Variants in OSR2 observed in about 807,000 individuals in gnomAD.
OSR2 encodes odd-skipped related transciption factor 2.
A neutral mutation model predicts 22.3 loss-of-function variants in OSR2; 8 were observed. That is an observed-to-expected ratio of 0.36 (90% CI 0.21 to 0.65). The LOEUF (loss-of-function observed/expected upper bound fraction) is 0.65, where lower values mean the gene tolerates loss of function less well. Among genes scored for constraint, OSR2 ranks in the 30% least tolerant of loss-of-function variants. OSR2 has a pLI of 0.66. For missense variants in OSR2, 311 were observed against 413.4 expected (o/e 0.75, Z 2.15); for synonymous variants, 179 against 173.8 (o/e 1.03, Z -0.23).
chr8:98,949,632 T>G lies in OSR2; in HGVS notation c.656+24T>G. 1 of 1,590,740 alleles carries G rather than the reference T, an allele frequency of 6.3e-7. No individual in the cohort carries two copies. Among genetic ancestry groups the G allele is most frequent in the Non-Finnish European group, 8.6e-7 (1 of 1,167,022 alleles). On this transcript the variant is annotated intron_variant, in intron 2 of 3. Transcript: ENST00000297565. This position sits in a 1 kb window ranked among gnomAD's most constrained non-coding sequence, Gnocchi z 5.9. ...AGGTGAGGCGGGCAAGGAGGATGGC[T>G]GGGAGAGGGAAAGCGAATTTGTCCT... is the stretch of plus-strand genomic sequence containing the variant.
Position 98,948,205 on chromosome 8 carries a change from ACCT to A in OSR2, c.-114-631_-114-629del, listed in dbSNP as rs768116111. ...TGAGGGCAGAGGAAGGAAAAAGAAA[ACCT>A]CCGAGGTCAGTGCGGGGCGAGGTGA... On this transcript the variant is annotated intron_variant, in intron 1 of 3. Coordinates refer to ENST00000297565, the MANE Select transcript of OSR2 (RefSeq NM_001142462.3). The surrounding 1 kb of genome is among the most constrained non-coding windows in gnomAD (Gnocchi z 6.0). 7.1e-7 allele frequency: 1 copy of A among 1,413,216 alleles called. No homozygotes were observed. Among genetic ancestry groups the A allele is most frequent in the South Asian group, 1.5e-5 (1 of 67,156 alleles). 87.5% of individuals were successfully genotyped at this position (1,413,216 alleles called of 1,614,324 possible).
chr8:98,946,838 T>A lies in OSR2; in HGVS notation c.-114-2001T>A, dbSNP rs540902578. The stretch of plus-strand genomic sequence containing the variant: ...CTGTATTTATTTCTAAGAAATCTAG[T>A]CTGGGAATACACCCAAATAATAATT... On this transcript the variant is annotated intron_variant, in intron 1 of 3. Transcript: ENST00000297565. Among the ~76,000 whole-genome samples the A allele has an allele frequency of 9.9e-5, 15 of 152,224 alleles. No individual in the cohort carries two copies. The East Asian group carries it at 2.3e-3, about 24-fold the overall frequency.
At position 98,948,801 on chromosome 8, in the gene OSR2, T is replaced by C. The variant is rs777016854; in HGVS notation, c.-114-38T>C. 4 of 1,507,280 alleles carry C rather than the reference T, an allele frequency of 2.7e-6. No homozygotes were observed. Among genetic ancestry groups the C allele is most frequent in the Non-Finnish European group, 3.5e-6 (4 of 1,129,048 alleles). 93.4% of individuals were successfully genotyped at this position (1,507,280 alleles called of 1,614,324 possible). A position where few individuals can be genotyped will look rare whatever the true frequency, so the allele number is the denominator to read the frequency against. Reference sequence around the variant, plus strand: ...GGGCAGAAGGAGCAGCCTTGGATTATAGTCACGGTCTCTCCCTCTCTTCCC... The same window carrying C: ...GGGCAGAAGGAGCAGCCTTGGATTACAGTCACGGTCTCTCCCTCTCTTCCC... On this transcript the variant is annotated intron_variant, in intron 1 of 3. Coordinates refer to ENST00000297565, the MANE Select transcript of OSR2 (RefSeq NM_001142462.3). This position sits in a 1 kb window ranked among gnomAD's most constrained non-coding sequence, Gnocchi z 6.0.
At position 98,948,488 on chromosome 8, in the gene OSR2, G is replaced by C; in HGVS notation, c.-114-351G>C. The C allele has an allele frequency of 7.7e-7, 1 of 1,296,806 alleles. No homozygotes were observed. The highest frequency in any genetic ancestry group is 1.0e-6 in the Non-Finnish European group (1 of 995,620). The allele number at this position is 1,296,806 out of a possible 1,614,324, so 80.3% of individuals were successfully genotyped here. A position where few individuals can be genotyped will look rare whatever the true frequency, so the allele number is the denominator to read the frequency against. ...GCTTCGCCTAACAGGCTTGGGGAGG[G>C]TGGGCTGGGCTGGGCTGGGCTGGGC... On this transcript the variant is annotated intron_variant, in intron 1 of 3. Transcript: ENST00000297565. This position sits in a 1 kb window ranked among gnomAD's most constrained non-coding sequence, Gnocchi z 6.0.
rs1840547678 is a variant in OSR2 at position 98,944,581 on chromosome 8, G to T, written c.-357G>T. 1 of 152,318 alleles carries T rather than the reference G, an allele frequency of 6.6e-6. No homozygotes were observed. The highest frequency in any genetic ancestry group is 2.4e-5 in the African/African-American group (1 of 41,464). The allele number at this position is 152,318 out of a possible 1,614,324, so 9.4% of individuals were successfully genotyped here. The stretch of plus-strand genomic sequence containing the variant: ...CCGAAGAGCGAGGTTCTGGGCGAGC[G>T]CTGAACGCCGGCCCCAAGCACCCCG... On this transcript the variant is annotated 5_prime_UTR_variant, in exon 1 of 4. Transcript: ENST00000297565.
intron 1 of OSR2, among the ~76,000 whole-genome samples, chr8:98,947,827 C>T (rs896906326): frequency 6.6e-6 from 1 of 152,188 alleles, no homozygotes; most frequent in Non-Finnish European, 1.5e-5. Context: ...CTCCTTTCCT[C>T]TCCCTCCCCG....
At position 98,948,106 on chromosome 8, in the gene OSR2, C is replaced by T. The variant is rs192357477; in HGVS notation, c.-114-733C>T. 1 of 1,350,824 alleles carries T rather than the reference C, an allele frequency of 7.4e-7. No individual in the cohort carries two copies. The highest frequency in any genetic ancestry group is 9.5e-7 in the Non-Finnish European group (1 of 1,054,392). 83.7% of individuals were successfully genotyped at this position (1,350,824 alleles called of 1,614,324 possible). The stretch of plus-strand genomic sequence containing the variant: ...AGAGCCCGTGGATAGGAGGAGGGGG[C>T]GATTCTAGGCCGAATCCAGCCCCTG... On this transcript the variant is annotated intron_variant, in intron 1 of 3. Coordinates refer to ENST00000297565, the MANE Select transcript of OSR2 (RefSeq NM_001142462.3). This position sits in a 1 kb window ranked among gnomAD's most constrained non-coding sequence, Gnocchi z 6.0.
intron 1 of OSR2, chr8:98,946,186 T>C (rs940824101): frequency 3.3e-5 from 5 of 152,264 alleles, no homozygotes; most frequent in African/African-American, 1.2e-4. Flanking sequence ...TGACTTTTCA[T>C]TGGTTTAAGT....
Position 98,948,606 on chromosome 8 carries a change from C to A in OSR2, c.-114-233C>A. ...TAGAGTCTGAATCCGACTTTCTTTC[C>A]TTTGGGCACGCGCTCGCCAGTGGAG... On this transcript the variant is annotated intron_variant, in intron 1 of 3. Coordinates refer to ENST00000297565, the MANE Select transcript of OSR2 (RefSeq NM_001142462.3). This position sits in a 1 kb window ranked among gnomAD's most constrained non-coding sequence, Gnocchi z 6.0. 1 of 1,041,056 alleles carries A rather than the reference C, an allele frequency of 9.6e-7. No individual in the cohort carries two copies. The highest frequency in any genetic ancestry group is 2.7e-5 in the East Asian group (1 of 37,422). 64.5% of individuals were successfully genotyped at this position (1,041,056 alleles called of 1,614,324 possible).
chr8:98,946,564 C>CT (rs35793128), intron 1 of OSR2, among the ~76,000 whole-genome samples: 2,620 of 147,482 alleles, frequency 0.018, 46 homozygotes, highest in African/African-American at 0.04. Flanking sequence ...TGAAATAGCA[C>CT]TTTTTTTTTT....
chr8:98,945,849 A>C (rs1437286086), intron 1 of OSR2, among the ~76,000 whole-genome samples: 1 of 152,210 alleles, frequency 6.6e-6, no homozygotes, highest in Non-Finnish European at 1.5e-5. Flanking sequence ...GTTTGGGCTG[A>C]AATTCAGTGA....
Position 98,948,581 on chromosome 8 carries a change from T to A in OSR2, c.-114-258T>A. ...AGGAGTCTTCCGCTCCGTATCTGCC[T>A]AGAGTCTGAATCCGACTTTCTTTCC... On this transcript the variant is annotated intron_variant, in intron 1 of 3. Transcript: ENST00000297565. The surrounding 1 kb of genome is among the most constrained non-coding windows in gnomAD (Gnocchi z 6.0). The A allele has an allele frequency of 1.8e-6, 2 of 1,110,914 alleles. No homozygotes were observed. The highest frequency in any genetic ancestry group is 2.5e-6 in the Non-Finnish European group (2 of 808,426). 68.8% of individuals were successfully genotyped at this position (1,110,914 alleles called of 1,614,324 possible).
chr8:98,949,264 C>A lies in OSR2; in HGVS notation c.312C>A (p.His104Gln). Residue 104 changes from histidine to glutamine, a missense_variant, in exon 2 of 4, where the codon CAC becomes CAA. His to Gln is a conservative substitution (Grantham distance 24). This residue lies in a region of OSR2 where 146 missense variants were observed against 160.5 expected (regional missense o/e 0.91). Coordinates refer to ENST00000297565, the MANE Select transcript of OSR2 (RefSeq NM_001142462.3). This position sits in a 1 kb window ranked among gnomAD's most constrained non-coding sequence, Gnocchi z 5.9. ...ACCCCAAGCAGGGGGCCATTGCCCACGTCCTCCCAGCCCTGCACAAGGACC... is the reference window on the plus strand; with the variant it reads ...ACCCCAAGCAGGGGGCCATTGCCCAAGTCCTCCCAGCCCTGCACAAGGACC... ...LFHPKQGAIA[H>Q]VLPALHKDRP... 2 of 1,609,796 alleles carry A rather than the reference C, an allele frequency of 1.2e-6. No homozygotes were observed. Among genetic ancestry groups the A allele is most frequent in the African/African-American group, 1.3e-5 (1 of 74,978 alleles).
chr8:98,950,825 C>A, intron 3 of OSR2, 70 bp downstream of exon 3: 2 of 927,844 alleles, frequency 2.2e-6, no homozygotes, highest in Non-Finnish European at 3.5e-6. Flanking sequence ...AAAAGGTGTT[C>A]AATGGCAGAC....
At position 98,951,480 on chromosome 8, in the gene OSR2, G is replaced by T. The variant is rs550567420; in HGVS notation, c.757-39G>T. The T allele has an allele frequency of 1.9e-5, 30 of 1,539,892 alleles. No individual in the cohort carries two copies. The Middle Eastern group carries it at 5.1e-4, about 26-fold the overall frequency. On this transcript the variant is annotated intron_variant, in intron 3 of 3. Coordinates refer to ENST00000297565, the MANE Select transcript of OSR2 (RefSeq NM_001142462.3). ...CTATTGAAAAGGGTGCAGTGGTGGTGTGAAGGATTAATCCTTTGCTTGCTT... is the reference window on the plus strand; with the variant it reads ...CTATTGAAAAGGGTGCAGTGGTGGTTTGAAGGATTAATCCTTTGCTTGCTT...
chr8:98,948,080 G>A lies in OSR2; in HGVS notation c.-114-759G>A. 2 of 1,327,522 alleles carry A rather than the reference G, an allele frequency of 1.5e-6. No individual in the cohort carries two copies. Among genetic ancestry groups the A allele is most frequent in the South Asian group, 2.0e-5 (1 of 50,228 alleles). The allele number at this position is 1,327,522 out of a possible 1,614,324, so 82.2% of individuals were successfully genotyped here. On this transcript the variant is annotated intron_variant, in intron 1 of 3. Coordinates refer to ENST00000297565, the MANE Select transcript of OSR2 (RefSeq NM_001142462.3). This position sits in a 1 kb window ranked among gnomAD's most constrained non-coding sequence, Gnocchi z 6.0. The stretch of plus-strand genomic sequence containing the variant: ...AGGGATCTTAGTCGGGGGTTGGGAG[G>A]AGAGCCCGTGGATAGGAGGAGGGGG...
At chr8:98,951,451 G>C in intron 3 of OSR2, 68 bp from the exon 4 acceptor site, 1 of 1,420,420 alleles carries the variant, frequency 7.0e-7, no homozygotes, top group Non-Finnish European at 9.6e-7. Context: ...CGATAAGACA[G>C]AAACTATTGA....
rs143429157 is a variant in OSR2, at chr8:98,950,410, C to T, written c.657-246C>T. Among the ~76,000 whole-genome samples, 1,145 of 152,116 alleles carry T rather than the reference C, an allele frequency of 7.5e-3. 15 individuals carry two copies. The highest frequency in any genetic ancestry group is 0.026 in the African/African-American group (1,073 of 41,490). Reference sequence around the variant, plus strand: ...AAGAAAGGCCCGTTCAGCGGGGTTTCGAGCTCCAGAATACGCCAGAGAGGG... The same window carrying T: ...AAGAAAGGCCCGTTCAGCGGGGTTTTGAGCTCCAGAATACGCCAGAGAGGG... On this transcript the variant is annotated intron_variant, in intron 2 of 3. Transcript: ENST00000297565.
rs760593726 is a variant in OSR2, at chr8:98,949,087, G to A, written c.135G>A (p.Ala45=). 9 of 1,613,926 alleles carry A rather than the reference G, an allele frequency of 5.6e-6. No individual in the cohort carries two copies. The highest frequency in any genetic ancestry group is 5.5e-5 in the South Asian group (5 of 91,086). The part of the protein sequence containing the change: ...DHLQGLYGLS[A]VQTMHMNHWT... ...TGCAGGGCCTGTACGGTCTCAGCGCGGTACAGACCATGCACATGAACCACT... is the reference window on the plus strand; with the variant it reads ...TGCAGGGCCTGTACGGTCTCAGCGCAGTACAGACCATGCACATGAACCACT... Residue 45 remains alanine, a synonymous_variant, in exon 2 of 4, where the codon GCG becomes GCA. Transcript: ENST00000297565. The surrounding 1 kb of genome is among the most constrained non-coding windows in gnomAD (Gnocchi z 5.9).
Sources: allele counts gnomAD v4.1 joint callset (sites outside exome capture counted in the v4.1 genomes callset), GRCh38; gene constraint gnomAD v4.1.1; regional missense constraint gnomAD v4.1.1; non-coding constraint Gnocchi (gnomAD v3.1); transcripts MANE v1.5; gene names NCBI Gene and HGNC (gene_info 2026-07-23, HGNC 2026-07-21).